SPMAP2L: variants seen among roughly 807,000 people sequenced by gnomAD.
SPMAP2L encodes the protein sperm microtubule associated protein 2-like.
the SPMAP2L span, chr4:56,575,565 A>G: frequency 6.5e-7 from 1 of 1,535,424 alleles, no homozygotes; most frequent in South Asian, 1.2e-5. Flanking sequence ...CTCCTCCTGC[A>G]TTGTTTAGAC....
At chr4:56,611,440 C>G in the SPMAP2L span, among the ~76,000 whole-genome samples, 212 of 152,104 alleles carry the variant, frequency 1.4e-3, 3 homozygotes, top group East Asian at 0.015. Context: ...GTGTGGGAAG[C>G]GGGTGAGGGA....
At chr4:56,619,202 C>T in the SPMAP2L span, among the ~76,000 whole-genome samples, 2 of 152,164 alleles carry the variant, frequency 1.3e-5, no homozygotes, top group Admixed American at 6.5e-5. Flanking sequence ...TGGTTTCTCT[C>T]TCTGTGTCAA....
At chr4:56,583,892 A>G in the SPMAP2L span, among the ~76,000 whole-genome samples, 1 of 152,204 alleles carries the variant, frequency 6.6e-6, no homozygotes, top group Non-Finnish European at 1.5e-5. Context: ...GTATAGGATA[A>G]GTATTATTTC....
chr4:56,540,199 TGA>T, the SPMAP2L span, among the ~76,000 whole-genome samples: 1 of 152,180 alleles, frequency 6.6e-6, no homozygotes, highest in Non-Finnish European at 1.5e-5. Flanking sequence ...ATGAAGAATG[TGA>T]GACTTGGCAT....
the SPMAP2L span, chr4:56,595,670 C>A: frequency 8.7e-7 from 1 of 1,147,882 alleles, no homozygotes; most frequent in East Asian, 2.3e-5. Flanking sequence ...CCTGCCCACC[C>A]ATGGAAGTTT....
the SPMAP2L span, among the ~76,000 whole-genome samples, chr4:56,547,974 C>G: frequency 6.6e-6 from 1 of 152,054 alleles, no homozygotes; most frequent in African/African-American, 2.4e-5. Context: ...AAATCTTTGC[C>G]CACACTTGAA....
At chr4:56,614,689 G>C in the SPMAP2L span, among the ~76,000 whole-genome samples, 32 of 152,244 alleles carry the variant, frequency 2.1e-4, no homozygotes, top group South Asian at 6.2e-3. Flanking sequence ...CCTCCAGCAT[G>C]CTTGTGAAGA....
chr4:56,620,729 C>T, the SPMAP2L span, among the ~76,000 whole-genome samples: 1 of 152,232 alleles, frequency 6.6e-6, no homozygotes, highest in Non-Finnish European at 1.5e-5. Context: ...GCAGGGCCAG[C>T]TGAAGGCTGC....
the SPMAP2L span, among the ~76,000 whole-genome samples, chr4:56,563,629 CTCTA>C: frequency 1.1e-4 from 17 of 152,258 alleles, no homozygotes; most frequent in Non-Finnish European, 2.1e-4. Flanking sequence ...GTGGCCATTT[CTCTA>C]TCTCTTTCAA....
chr4:56,574,641 A>G, the SPMAP2L span, among the ~76,000 whole-genome samples: 1 of 152,172 alleles, frequency 6.6e-6, no homozygotes, highest in Admixed American at 6.5e-5. Flanking sequence ...TTTGGTTTTA[A>G]AAGCAGCAAA....
the SPMAP2L span, among the ~76,000 whole-genome samples, chr4:56,611,475 TG>T: frequency 6.6e-6 from 1 of 152,164 alleles, no homozygotes; most frequent in African/African-American, 2.4e-5. Flanking sequence ...TCAGGTTCAG[TG>T]TATACTGCTC....
the SPMAP2L span, among the ~76,000 whole-genome samples, chr4:56,625,804 A>G: frequency 3.3e-5 from 5 of 152,198 alleles, no homozygotes; most frequent in African/African-American, 1.2e-4. Flanking sequence ...GGACTAATAC[A>G]GGCCATGTAT....
At chr4:56,548,991 C>A in the SPMAP2L span, among the ~76,000 whole-genome samples, 3 of 139,446 alleles carry the variant, frequency 2.2e-5, no homozygotes, top group African/African-American at 7.9e-5. Flanking sequence ...TTCTTTCTTT[C>A]TTTTTTTTTT....
chr4:56,603,317 A>T, the SPMAP2L span: 1 of 1,530,818 alleles, frequency 6.5e-7, no homozygotes, highest in Admixed American at 2.0e-5. Flanking sequence ...AACCTCTTAC[A>T]CGTTAAATAC....
At chr4:56,623,500 A>G in the SPMAP2L span, among the ~76,000 whole-genome samples, 1 of 152,226 alleles carries the variant, frequency 6.6e-6, no homozygotes, top group Admixed American at 6.5e-5. Context: ...AAAGAAAGAA[A>G]TCCACATTTC....
the SPMAP2L span, among the ~76,000 whole-genome samples, chr4:56,624,935 G>C: frequency 6.6e-6 from 1 of 152,268 alleles, no homozygotes; most frequent in Non-Finnish European, 1.5e-5. Context: ...CTGTCCTCCA[G>C]ACCCCAGAAT....
At chr4:56,539,587 A>C in the SPMAP2L span, among the ~76,000 whole-genome samples, 4 of 151,952 alleles carry the variant, frequency 2.6e-5, no homozygotes, top group Non-Finnish European at 5.9e-5. Context: ...ACACCCAGCT[A>C]ATTTTTGTAT....
At chr4:56,561,708 A>G in the SPMAP2L span, among the ~76,000 whole-genome samples, 2 of 151,828 alleles carry the variant, frequency 1.3e-5, no homozygotes, top group East Asian at 1.9e-4. Flanking sequence ...CAACACCACC[A>G]TACTGGAAAT....
At chr4:56,544,084 G>A in the SPMAP2L span, among the ~76,000 whole-genome samples, 1 of 151,916 alleles carries the variant, frequency 6.6e-6, no homozygotes, top group Non-Finnish European at 1.5e-5. Flanking sequence ...TGCTTCCTGG[G>A]CTCAAGTGAT....
Sources: gnomAD v4.1 joint callset for allele counts (sites outside exome capture counted in the v4.1 genomes callset) on GRCh38, gnomAD v4.1.1 for gene constraint, MANE v1.5 for transcripts, NCBI Gene and HGNC (gene_info 2026-07-23, HGNC 2026-07-21) for gene names.